Variants in KCNJ6 observed in about 807,000 individuals in gnomAD.
The protein encoded by KCNJ6 is potassium inwardly rectifying channel subfamily J member 6.
KCNJ6 carries 9 observed loss-of-function variants against 34.2 expected under a neutral mutation model. That is an observed-to-expected ratio of 0.26 (90% confidence interval 0.16 to 0.46). The LOEUF is 0.46. Among genes scored for constraint, KCNJ6 ranks in the 20% least tolerant of loss-of-function variants. The pLI is 1.00. For missense variants in KCNJ6, 236 were observed against 531.3 expected, an observed-to-expected ratio of 0.44 and a Z score of 5.46; for synonymous variants, 196 against 207.1, an observed-to-expected ratio of 0.95 and a Z score of 0.46.
intron 1 of KCNJ6, among the ~76,000 whole-genome samples, chr21:37,877,668 G>A (rs561739582): frequency 5.3e-5 from 8 of 151,958 alleles, no homozygotes; most frequent in African/African-American, 1.9e-4. Context: ...CAGAAATACT[G>A]CTGCTCAACG....
chr21:37,720,181 T>A (rs960904957), intron 2 of KCNJ6, among the ~76,000 whole-genome samples: 5 of 152,144 alleles, frequency 3.3e-5, no homozygotes, highest in African/African-American at 1.2e-4. Flanking sequence ...TATATTACTT[T>A]TATAATTAAA....
chr21:37,915,515 T>A (rs1020580078), intron 1 of KCNJ6, among the ~76,000 whole-genome samples: 1 of 152,162 alleles, frequency 6.6e-6, no homozygotes, highest in Non-Finnish European at 1.5e-5. Context: ...CAACTGTAAA[T>A]GACTACATCA....
chr21:37,717,015 C>T (rs766301025), intron 2 of KCNJ6: 8 of 154,406 alleles, frequency 5.2e-5, no homozygotes, highest in Admixed American at 3.3e-4. Context: ...AGAACATAGC[C>T]GGAGATGGGA....
At chr21:37,744,140 C>T (rs1337751128) in intron 2 of KCNJ6, among the ~76,000 whole-genome samples, 1 of 125,792 alleles carries the variant, frequency 7.9e-6, no homozygotes, top group Non-Finnish European at 1.6e-5. Flanking sequence ...GGAAGAGGAA[C>T]ATCACACACC....
At chr21:37,761,671 TTGTG>T (rs1957960949) in intron 2 of KCNJ6, among the ~76,000 whole-genome samples, 1 of 149,002 alleles carries the variant, frequency 6.7e-6, no homozygotes, top group African/African-American at 2.5e-5. Context: ...TGTATGTAGT[TTGTG>T]TGTATATTTG....
rs926515709 is a variant in KCNJ6 at position 37,610,833 on chromosome 21, C to G, written c.*14326G>C. 6.6e-6 allele frequency: 1 copy of G among 151,488 alleles called. No homozygotes were observed. Among genetic ancestry groups the G allele is most frequent in the East Asian group, 1.9e-4 (1 of 5,174 alleles). The allele number at this position is 151,488 out of a possible 1,614,324, so 9.4% of individuals were successfully genotyped here. A position where few individuals can be genotyped will look rare whatever the true frequency, so the allele number is the denominator to read the frequency against. On this transcript the variant is annotated 3_prime_UTR_variant, in exon 4 of 4. Coordinates refer to ENST00000609713, the MANE Select transcript of KCNJ6 (RefSeq NM_002240.5). ...ATAGCTTATTATAATTTGTGGGATG[C>G]AATAAAAACAATGCTTAAAGGGAAA...
At chr21:37,815,919 C>T (rs2055344690) in intron 2 of KCNJ6, among the ~76,000 whole-genome samples, 1 of 152,170 alleles carries the variant, frequency 6.6e-6, no homozygotes, top group South Asian at 2.1e-4. Flanking sequence ...GACGCGACTG[C>T]AACAAGCGCT....
chr21:37,818,883 T>G (rs1401014085), intron 2 of KCNJ6, among the ~76,000 whole-genome samples: 1 of 99,174 alleles, frequency 1.0e-5, no homozygotes, highest in Non-Finnish European at 2.3e-5. Flanking sequence ...GATCTTGCTG[T>G]AAGAGAAATA....
chr21:37,896,342 G>A (rs1344671293), intron 1 of KCNJ6, among the ~76,000 whole-genome samples: 1 of 152,168 alleles, frequency 6.6e-6, no homozygotes, highest in Non-Finnish European at 1.5e-5. Context: ...GACCTAAACT[G>A]TATCACCCAT....
intron 2 of KCNJ6, among the ~76,000 whole-genome samples, chr21:37,766,724 G>A (rs2055093276): frequency 6.6e-6 from 1 of 152,156 alleles, no homozygotes; most frequent in African/African-American, 2.4e-5. Context: ...CCCAAACCGT[G>A]GGCCATGAAC....
chr21:37,877,471 A>G (rs1330706770), intron 1 of KCNJ6, among the ~76,000 whole-genome samples: 2 of 152,194 alleles, frequency 1.3e-5, no homozygotes, highest in African/African-American at 2.4e-5. Flanking sequence ...CAAACAGAAA[A>G]ACTTGAGTGT....
chr21:37,729,665 T>A (rs752558087), intron 2 of KCNJ6, among the ~76,000 whole-genome samples: 2 of 152,240 alleles, frequency 1.3e-5, no homozygotes, highest in Non-Finnish European at 2.9e-5. Flanking sequence ...CAGGACTGTC[T>A]ACAGTTAGTT....
intron 3 of KCNJ6, among the ~76,000 whole-genome samples, chr21:37,642,867 G>A (rs2054387441): frequency 6.6e-6 from 1 of 152,180 alleles, no homozygotes; most frequent in Non-Finnish European, 1.5e-5. Context: ...TCTTCATCAT[G>A]AAAGATAAAA....
chr21:37,793,533 G>A (rs369623594), intron 2 of KCNJ6, among the ~76,000 whole-genome samples: 1 of 126,716 alleles, frequency 7.9e-6, no homozygotes, highest in African/African-American at 3.1e-5. Context: ...GTGAAAGAGC[G>A]AGACTCCATC....
In KCNJ6 at chr21:37,620,521, A is replaced by G. The variant is rs970239178; in HGVS notation, c.*4638T>C. ...ATTGCTCTTAGCTCACAAGTGGTAC[A>G]ATAACAGGCAGCAGGCCAGATTTTT... On this transcript the variant is annotated 3_prime_UTR_variant, in exon 4 of 4. Coordinates refer to ENST00000609713, the MANE Select transcript of KCNJ6 (RefSeq NM_002240.5). 1.3e-5 allele frequency: 2 copies of G among 152,156 alleles called. No individual in the cohort carries two copies. Among genetic ancestry groups the G allele is most frequent in the South Asian group, 2.1e-4 (1 of 4,832 alleles). The allele number at this position is 152,156 out of a possible 1,614,324, so 9.4% of individuals were successfully genotyped here.
chr21:37,846,347 G>A (rs2123584714), intron 1 of KCNJ6, among the ~76,000 whole-genome samples: 1 of 148,246 alleles, frequency 6.7e-6, no homozygotes, highest in Non-Finnish European at 1.5e-5. Context: ...CTAAGGCTGA[G>A]ACACTCTGTG....
At position 37,655,292 on chromosome 21, in the gene KCNJ6, C is replaced by A. The variant is rs574009556; in HGVS notation, c.947-29808G>T. Among the ~76,000 whole-genome samples the A allele has an allele frequency of 1.8e-3, 247 of 137,862 alleles. 1 individual carries two copies. The highest frequency in any genetic ancestry group is 5.2e-3 in the South Asian group (21 of 4,044). 90.4% of individuals were successfully genotyped at this position (137,862 alleles called of 152,430 possible). On this transcript the variant is annotated intron_variant, in intron 3 of 3. Transcript: ENST00000609713. Reference sequence around the variant, plus strand: ...GAGAGAGAGAGAGAGAGAGTGTAACCATGAAGAGGTAATTGATACCTAGGG... The same window carrying A: ...GAGAGAGAGAGAGAGAGAGTGTAACAATGAAGAGGTAATTGATACCTAGGG...
rs530045126 is a variant in KCNJ6 at position 37,746,831 on chromosome 21, G to A, written c.26-31700C>T. Reference sequence around the variant, plus strand: ...ATAACTTCTACATACTCTGTAAATTGTCCTTTATCCACTCTGACTGCTCAG... The same window carrying A: ...ATAACTTCTACATACTCTGTAAATTATCCTTTATCCACTCTGACTGCTCAG... On this transcript the variant is annotated intron_variant, in intron 2 of 3. Coordinates refer to ENST00000609713, the MANE Select transcript of KCNJ6 (RefSeq NM_002240.5). 2.6e-5 allele frequency among the ~76,000 whole-genome samples: 4 copies of A among 152,320 alleles called. No homozygotes were observed. The East Asian group carries it at 7.7e-4, about 29-fold the overall frequency.
chr21:37,629,160 A>G (rs1287760367), intron 3 of KCNJ6, among the ~76,000 whole-genome samples: 1 of 152,194 alleles, frequency 6.6e-6, no homozygotes, highest in African/African-American at 2.4e-5. Flanking sequence ...AATAAAGAAC[A>G]CTGGAAAAAG....
Sources: allele counts gnomAD v4.1 joint callset (sites outside exome capture counted in the v4.1 genomes callset), GRCh38; gene constraint gnomAD v4.1.1; transcripts MANE v1.5; gene names NCBI Gene and HGNC (gene_info 2026-07-23, HGNC 2026-07-21).